Variants in DUSP18 observed in about 807,000 individuals in gnomAD.
DUSP18 encodes the protein dual specificity protein phosphatase 18.
Under a neutral mutation model 6.3 loss-of-function variants are expected in DUSP18, and 4 were observed. The observed-to-expected ratio is 0.63, with a 90% CI of 0.31 to 1.45. The LOEUF (loss-of-function observed/expected upper bound fraction) is 1.45, where lower values mean the gene tolerates loss of function less well. Ranked by LOEUF, DUSP18 falls within the 40% of genes most tolerant of loss-of-function variation. The probability of loss-of-function intolerance (pLI) is 0.07; values close to 1 mark genes in which losing one functional copy is unlikely to be tolerated. For missense variants in DUSP18, 235 were observed against 247.7 expected (o/e 0.95, Z 0.34); for synonymous variants, 96 against 95.1 (o/e 1.01, Z -0.05).
intron 2 of DUSP18, among the ~76,000 whole-genome samples, chr22:30,655,892 AT>A (rs2088329878): frequency 1.3e-5 from 2 of 151,962 alleles, no homozygotes; most frequent in Admixed American, 1.3e-4. Flanking sequence ...CTTAGGTGAT[AT>A]TGGGTCACGA....
downstream of DUSP18, among the ~76,000 whole-genome samples, chr22:30,659,089 A>T (rs2088404589): frequency 7.0e-6 from 1 of 141,946 alleles, no homozygotes; most frequent in Admixed American, 7.6e-5. Flanking sequence ...GCGCCATTGC[A>T]CTCCAGCCTA....
chr22:30,653,460 C>T (rs1225355825), intron 2 of DUSP18, among the ~76,000 whole-genome samples: 7 of 151,952 alleles, frequency 4.6e-5, no homozygotes, highest in Middle Eastern at 3.4e-3. Flanking sequence ...CAACCTCCGC[C>T]TCCTGGGTTC....
Position 30,663,460 on chromosome 22 carries a change from C to T in DUSP18, c.544G>A (p.Val182Ile). Residue 182 changes from valine to isoleucine, a missense_variant, in exon 2 of 2, where the codon GTC becomes ATC. Val to Ile is a conservative substitution (Grantham distance 29). Coordinates refer to ENST00000334679, the MANE Select transcript of DUSP18 (RefSeq NM_152511.5). ...GCTCACAGTGGAATCATCAAACGGA[C>T]TTCCTTCTCATAGATGTCAGGGATC... ...GMIPDIYEKE[V>I]RLMIPL 1 of 1,611,710 alleles carries T rather than the reference C, an allele frequency of 6.2e-7. No homozygotes were observed. Among genetic ancestry groups the T allele is most frequent in the Non-Finnish European group, 8.5e-7 (1 of 1,177,924 alleles).
Position 30,661,896 on chromosome 22 carries a change from G to C in DUSP18, c.*1541C>G, listed in dbSNP as rs917199305. Reference sequence around the variant, plus strand: ...ACAAGGCTGCAGTCACTGTTTAGAAGTGATTGGGGGAAGCTGGAACTGTGC... The same window carrying C: ...ACAAGGCTGCAGTCACTGTTTAGAACTGATTGGGGGAAGCTGGAACTGTGC... On this transcript the variant is annotated 3_prime_UTR_variant, in exon 2 of 2. Coordinates refer to ENST00000334679, the MANE Select transcript of DUSP18 (RefSeq NM_152511.5). The C allele has an allele frequency of 6.6e-6, 1 of 152,136 alleles. No individual in the cohort carries two copies. The allele number at this position is 152,136 out of a possible 1,614,324, so 9.4% of individuals were successfully genotyped here. A position where few individuals can be genotyped will look rare whatever the true frequency, so the allele number is the denominator to read the frequency against.
At position 30,663,676 on chromosome 22, in the gene DUSP18, G is replaced by C; in HGVS notation, c.328C>G (p.Arg110Gly). The C allele has an allele frequency of 6.2e-7, 1 of 1,614,222 alleles. No homozygotes were observed. Among genetic ancestry groups the C allele is most frequent in the East Asian group, 2.2e-5 (1 of 44,888 alleles). The change falls in exon 2 of 2, where the codon CGC becomes GGC. Residue 110 changes from arginine (R) to glycine (G), a missense_variant. By Grantham distance (125) the Arg-to-Gly change is moderately radical. Transcript: ENST00000334679. ...TAGGCGAGGCACAGGGCAGCTGAGC[G>C]GCTCACACCAGCAGCACAGTGCAGC... is the stretch of plus-strand genomic sequence containing the variant. ...TLLHCAAGVS[R>G]SAALCLAYLM...
chr22:30,667,042 A>T (rs2145632437), intron 1 of DUSP18: 1 of 152,334 alleles, frequency 6.6e-6, no homozygotes, highest in Middle Eastern at 3.4e-3. Context: ...GTTTAGCTTG[A>T]GAGGGAGGAG....
At chr22:30,660,036 C>T (rs147849187), downstream of DUSP18, among the ~76,000 whole-genome samples, 133 of 152,332 alleles carry the variant, frequency 8.7e-4, no homozygotes, top group Middle Eastern at 6.8e-3. Flanking sequence ...AACTGCAATA[C>T]ACTAAATTCA....
Position 30,655,273 on chromosome 22 carries a change from T to G in DUSP18, c.*34-2976A>C, listed in dbSNP as rs115098269. On this transcript the variant is annotated intron_variant, in intron 2 of 2. Transcript: ENST00000404885. ...GAGTTCCAGACCCATCTGGACAACA[T>G]AGCAAAACCCTGTCTCTACGGAAAA... Among the ~76,000 whole-genome samples, 456 of 142,126 alleles carry G rather than the reference T, an allele frequency of 3.2e-3. 1 individual carries two copies. Among genetic ancestry groups the G allele is most frequent in the African/African-American group, 8.1e-3 (316 of 38,912 alleles). The allele number at this position is 142,126 out of a possible 152,430, so 93.2% of individuals were successfully genotyped here.
At chr22:30,659,123 CAAAAAAAA>C (rs35939188), downstream of DUSP18, among the ~76,000 whole-genome samples, 4 of 104,744 alleles carry the variant, frequency 3.8e-5, no homozygotes, top group Non-Finnish European at 5.5e-5. Flanking sequence ...GACTCCATCT[CAAAAAAAA>C]AAAAAAAAAA....
intron 1 of DUSP18, among the ~76,000 whole-genome samples, chr22:30,666,358 A>G (rs2088662733): frequency 6.6e-6 from 1 of 152,124 alleles, no homozygotes; most frequent in African/African-American, 2.4e-5. Context: ...CGGTGGCTTA[A>G]GCCTATAATC....
chr22:30,657,925 A>G (rs1203689911), downstream of DUSP18, among the ~76,000 whole-genome samples: 1 of 144,942 alleles, frequency 6.9e-6, no homozygotes, highest in Admixed American at 7.0e-5. Context: ...TAATAATAAT[A>G]ATAATAATAA....
chr22:30,665,419 G>A, intron 1 of DUSP18: 1 of 424,372 alleles, frequency 2.4e-6, no homozygotes. Context: ...GTTCCTTAGG[G>A]ACAACCTGTC....
intron 2 of DUSP18, chr22:30,653,816 CCT>C (rs1346349261): frequency 6.6e-6 from 1 of 152,142 alleles, no homozygotes; most frequent in African/African-American, 2.4e-5. Context: ...AGCACAGTTC[CCT>C]GTTTTTATTT....
downstream of DUSP18, among the ~76,000 whole-genome samples, chr22:30,658,918 G>C (rs1315047075): frequency 1.3e-5 from 2 of 152,108 alleles, no homozygotes; most frequent in Non-Finnish European, 2.9e-5. Context: ...GCTGAGGCGG[G>C]TGGATCACGA....
intron 1 of DUSP18, among the ~76,000 whole-genome samples, chr22:30,666,609 G>T (rs5997731): frequency 0.5 from 61,446 of 122,360 alleles, 16,676 homozygotes; most frequent in South Asian, 0.66. Context: ...GAGACAGCGT[G>T]AGACTCCATC....
downstream of DUSP18, among the ~76,000 whole-genome samples, chr22:30,657,973 T>C (rs138284440): frequency 4.4e-4 from 67 of 150,632 alleles, no homozygotes; most frequent in East Asian, 0.013. Context: ...GGATATGGTG[T>C]TGAGTACCTC....
Position 30,661,474 on chromosome 22 carries a change from G to A in DUSP18, c.*1963C>T, listed in dbSNP as rs1331679177. ...TTTTTTTTTTTCTTTTTGAGATGGA[G>A]TCTCACTCTTGTTGCCCAGGCTGGA... On this transcript the variant is annotated 3_prime_UTR_variant, in exon 2 of 2. Transcript: ENST00000334679. 1 of 138,070 alleles carries A rather than the reference G, an allele frequency of 7.2e-6. No individual in the cohort carries two copies. Among genetic ancestry groups the A allele is most frequent in the Non-Finnish European group, 1.5e-5 (1 of 65,098 alleles). The allele number at this position is 138,070 out of a possible 1,614,324, so 8.6% of individuals were successfully genotyped here.
intron 2 of DUSP18, among the ~76,000 whole-genome samples, chr22:30,653,621 C>CG (rs2088270958): frequency 1.3e-5 from 2 of 151,988 alleles, no homozygotes; most frequent in Admixed American, 1.3e-4. Flanking sequence ...GACCCGCCCC[C>CG]CCTCGGCCTC....
chr22:30,664,109 G>C, intron 1 of DUSP18, 29 bp from the exon 2 acceptor site: 2 of 1,116,420 alleles, frequency 1.8e-6, no homozygotes, highest in Non-Finnish European at 2.6e-6. Flanking sequence ...TGTTTAGAGG[G>C]CAGGTGCCCA....
Sources: allele counts gnomAD v4.1 joint callset (sites outside exome capture counted in the v4.1 genomes callset), GRCh38; gene constraint gnomAD v4.1.1; transcripts MANE v1.5; gene names NCBI Gene and HGNC (gene_info 2026-07-23, HGNC 2026-07-21).